The following ATXN2 variants were observed in gnomAD, a reference collection of about 807,000 sequenced individuals.
ATXN2 encodes the protein ataxin-2.
In ATXN2, 37 loss-of-function variants were observed where a neutral mutation model predicts 138.6. That is an observed-to-expected ratio of 0.27 (90% CI 0.21 to 0.35). The LOEUF (loss-of-function observed/expected upper bound fraction) is 0.35, where lower values mean the gene tolerates loss of function less well. Ranked by LOEUF, ATXN2 falls within the 10% of genes least tolerant of loss-of-function variation. ATXN2 has a pLI of 1.00. For missense variants in ATXN2, 1,216 were observed against 1,480.3 expected, an observed-to-expected ratio of 0.82 and a Z score of 2.93; for synonymous variants, 549 against 543.7, an observed-to-expected ratio of 1.01 and a Z score of -0.13.
At chr12:111,457,104 G>C in intron 22 of ATXN2, 110 bp downstream of exon 22, 2 of 1,327,776 alleles carry the variant, frequency 1.5e-6, no homozygotes, top group South Asian at 2.9e-5. Flanking sequence ...CCATCTTCAC[G>C]AGGGTGGACA....
chr12:111,582,993 G>GTT (rs374845735), intron 1 of ATXN2, among the ~76,000 whole-genome samples: 4 of 100,048 alleles, frequency 4.0e-5, no homozygotes, highest in Admixed American at 1.2e-4. Context: ...TTTTTTGTTT[G>GTT]TTTTTTTTTT....
intron 1 of ATXN2, among the ~76,000 whole-genome samples, chr12:111,585,799 C>T (rs978138797): frequency 2.7e-4 from 16 of 58,196 alleles, no homozygotes; most frequent in Non-Finnish European, 3.7e-4. Flanking sequence ...AAAACTCCAT[C>T]TCAAAAAAAA....
intron 1 of ATXN2, among the ~76,000 whole-genome samples, chr12:111,566,307 C>T (rs959914511): frequency 1.3e-5 from 2 of 151,780 alleles, no homozygotes; most frequent in African/African-American, 4.8e-5. Flanking sequence ...TGGTGCATGC[C>T]TGTAATCCCA....
In ATXN2 at chr12:111,598,200, T is replaced by C; in HGVS notation, c.251+584A>G. The C allele has an allele frequency of 1.9e-6, 2 of 1,053,054 alleles. No homozygotes were observed. The highest frequency in any genetic ancestry group is 2.3e-6 in the Non-Finnish European group (2 of 868,508). The allele number at this position is 1,053,054 out of a possible 1,614,324, so 65.2% of individuals were successfully genotyped here. A position where few individuals can be genotyped will look rare whatever the true frequency, so the allele number is the denominator to read the frequency against. ...CTTGTCTCCACCCCGTCCTCCGATC[T>C]TTCCCAGGACTCGGAGGGGGCGGGG... On this transcript the variant is annotated intron_variant, in intron 1 of 24. Coordinates refer to ENST00000673436, the MANE Select transcript of ATXN2 (RefSeq NM_001372574.1). The surrounding 1 kb of genome is among the most constrained non-coding windows in gnomAD (Gnocchi z 4.5).
At chr12:111,459,856 C>A (rs1351345678) in intron 21 of ATXN2, among the ~76,000 whole-genome samples, 1 of 150,622 alleles carries the variant, frequency 6.6e-6, no homozygotes, top group Non-Finnish European at 1.5e-5. Flanking sequence ...CTGCTTCAGC[C>A]TCTGAGTAGC....
intron 20 of ATXN2, among the ~76,000 whole-genome samples, chr12:111,465,767 C>CAAAAA (rs61456193): frequency 1.5e-3 from 55 of 36,222 alleles, no homozygotes; most frequent in East Asian, 5.7e-3. Context: ...GAGACTACCT[C>CAAAAA]AAAAAAAAAA....
intron 1 of ATXN2, among the ~76,000 whole-genome samples, chr12:111,573,400 T>C (rs1281809856): frequency 6.6e-6 from 1 of 152,154 alleles, no homozygotes; most frequent in Non-Finnish European, 1.5e-5. Flanking sequence ...TTTGTCATGT[T>C]GGCCAGGCTG....
chr12:111,507,564 C>A (rs1879232620), intron 14 of ATXN2, among the ~76,000 whole-genome samples: 2 of 151,296 alleles, frequency 1.3e-5, no homozygotes, highest in African/African-American at 4.9e-5. Flanking sequence ...GCCCAGCCAG[C>A]CGCCCCGTCC....
chr12:111,565,318 G>C (rs1020203525), intron 1 of ATXN2, among the ~76,000 whole-genome samples: 2 of 152,102 alleles, frequency 1.3e-5, no homozygotes, highest in African/African-American at 4.8e-5. Flanking sequence ...CATTAGTGCC[G>C]TATTTCCAGT....
intron 1 of ATXN2, among the ~76,000 whole-genome samples, chr12:111,570,543 C>A (rs1488113527): frequency 7.2e-5 from 11 of 152,268 alleles, no homozygotes; most frequent in Admixed American, 5.9e-4. Flanking sequence ...ACACTGTGAA[C>A]CAAATTTTTT....
chr12:111,590,191 G>A (rs942957105), intron 1 of ATXN2, among the ~76,000 whole-genome samples: 2 of 152,094 alleles, frequency 1.3e-5, no homozygotes, highest in Non-Finnish European at 2.9e-5. Flanking sequence ...TCCAGACTGG[G>A]TGACAGAGTG....
At chr12:111,508,758 C>T (rs1270826277) in intron 14 of ATXN2, among the ~76,000 whole-genome samples, 1 of 152,058 alleles carries the variant, frequency 6.6e-6, no homozygotes, top group African/African-American at 2.4e-5. Context: ...CAAATGAAAA[C>T]TTAGGTTAAC....
At chr12:111,572,548 T>G (rs888465267) in intron 1 of ATXN2, among the ~76,000 whole-genome samples, 2 of 152,132 alleles carry the variant, frequency 1.3e-5, no homozygotes, top group African/African-American at 4.8e-5. Context: ...CAAGTAGAGT[T>G]GAAGTCTAAC....
intron 5 of ATXN2, among the ~76,000 whole-genome samples, chr12:111,533,536 T>A (rs1239408273): frequency 2.7e-5 from 4 of 146,314 alleles, no homozygotes; most frequent in African/African-American, 1.1e-4. Context: ...TTTCAGACAG[T>A]TTTTTTTCTT....
chr12:111,483,452 CT>C (rs927752030), intron 18 of ATXN2, among the ~76,000 whole-genome samples: 1,846 of 107,072 alleles, frequency 0.017, 13 homozygotes, highest in African/African-American at 0.058. Flanking sequence ...TAAAAGAACT[CT>C]TTTTTTTTTT....
At chr12:111,461,112 C>T (rs963062315) in intron 21 of ATXN2, 14 of 152,138 alleles carry the variant, frequency 9.2e-5, no homozygotes, top group African/African-American at 3.4e-4. Context: ...TTTTTTTGTT[C>T]TAGCTCAAAA....
At chr12:111,458,810 A>G (rs1159969354) in intron 21 of ATXN2, among the ~76,000 whole-genome samples, 1 of 152,178 alleles carries the variant, frequency 6.6e-6, no homozygotes, top group Non-Finnish European at 1.5e-5. Flanking sequence ...ACCAGCATAG[A>G]CGGCTCTGGG....
intron 1 of ATXN2, among the ~76,000 whole-genome samples, chr12:111,574,493 T>C (rs555824173): frequency 5.3e-5 from 8 of 151,912 alleles, no homozygotes; most frequent in Middle Eastern, 3.4e-3. Context: ...AGTGGCGCAA[T>C]CATAGCTCAC....
intron 19 of ATXN2, 78 bp downstream of exon 19, chr12:111,470,480 T>A: frequency 6.6e-7 from 1 of 1,515,616 alleles, no homozygotes; most frequent in South Asian, 1.2e-5. Flanking sequence ...GCAAAAATTA[T>A]AAAGGAAAAT....
Sources: gnomAD v4.1 joint callset for allele counts (sites outside exome capture counted in the v4.1 genomes callset) on GRCh38, gnomAD v4.1.1 for gene constraint, Gnocchi (gnomAD v3.1) non-coding constraint, MANE v1.5 for transcripts, NCBI Gene and HGNC (gene_info 2026-07-23, HGNC 2026-07-21) for gene names.